The following AFF3 variants were observed in gnomAD, a reference collection of about 807,000 sequenced individuals.
AFF3 encodes the protein ALF transcription elongation factor 3.
Under a neutral mutation model 129.7 loss-of-function variants are expected in AFF3, and 32 were observed. The ratio of observed to expected loss-of-function variants is 0.25; its 90% CI spans 0.19 to 0.33. AFF3 has a LOEUF of 0.33. Among genes scored for constraint, AFF3 ranks in the 10% least tolerant of loss-of-function variants. The probability of loss-of-function intolerance (pLI) is 1.00; values close to 1 mark genes in which losing one functional copy is unlikely to be tolerated. For missense variants in AFF3, 1,373 were observed against 1,592.0 expected (o/e 0.86, Z 2.34); for synonymous variants, 644 against 635.4 (o/e 1.01, Z -0.20).
intron 11 of AFF3, among the ~76,000 whole-genome samples, chr2:99,722,681 C>T (rs765962379): frequency 6.6e-6 from 1 of 152,174 alleles, no homozygotes; most frequent in Non-Finnish European, 1.5e-5. Flanking sequence ...TATTGTTTTC[C>T]ACTACGCTCA....
At chr2:99,659,496 A>G (rs1686039993) in intron 12 of AFF3, among the ~76,000 whole-genome samples, 1 of 152,168 alleles carries the variant, frequency 6.6e-6, no homozygotes, top group South Asian at 2.1e-4. Context: ...GAAGTGATTT[A>G]TCTTCTGGAC....
At chr2:99,813,677 A>C (rs1269232173) in intron 8 of AFF3, among the ~76,000 whole-genome samples, 1 of 152,204 alleles carries the variant, frequency 6.6e-6, no homozygotes, top group Non-Finnish European at 1.5e-5. Context: ...AAACACACCT[A>C]CTTCTACCTG....
At chr2:99,847,332 C>T (rs1257730581) in intron 7 of AFF3, among the ~76,000 whole-genome samples, 3 of 151,896 alleles carry the variant, frequency 2.0e-5, no homozygotes, top group African/African-American at 7.2e-5. Context: ...CCTGCCACCA[C>T]GCCCAGATAA....
In AFF3 at chr2:99,582,985, A is replaced by G. The variant is rs775932608; in HGVS notation, c.2606T>C (p.Ile869Thr). ...CCGAAGCATTTTTTCATTTTTATTT[A>G]TTGGTATTGCCACACTGAAAAAGGA... ...NMNINSVAIP[I>T]NKNEKMLRSP... Residue 869 changes from isoleucine (I) to threonine (T), a missense_variant, in exon 17 of 25, where the codon ATA becomes ACA. This residue lies in a region of AFF3 where 466 missense variants were observed against 505.0 expected (regional missense o/e 0.92). Transcript: ENST00000672756. The G allele has an allele frequency of 1.9e-6, 3 of 1,613,848 alleles. No individual in the cohort carries two copies. The highest frequency in any genetic ancestry group is 1.3e-5 in the African/African-American group (1 of 74,890).
intron 8 of AFF3, among the ~76,000 whole-genome samples, chr2:99,828,856 G>A (rs138004532): frequency 5.3e-5 from 8 of 152,172 alleles, no homozygotes; most frequent in African/African-American, 1.4e-4. Context: ...CATCACACAC[G>A]TACACACATT....
At chr2:99,707,992 T>C (rs1677561887) in intron 11 of AFF3, among the ~76,000 whole-genome samples, 1 of 152,138 alleles carries the variant, frequency 6.6e-6, no homozygotes, top group South Asian at 2.1e-4. Context: ...TTTGGTAGGG[T>C]TGTTAGAATT....
chr2:99,783,018 C>T (rs1684521779), intron 8 of AFF3, among the ~76,000 whole-genome samples: 1 of 152,196 alleles, frequency 6.6e-6, no homozygotes, highest in African/African-American at 2.4e-5. Context: ...CAGTCAATGG[C>T]TGCTTGGTAC....
intron 4 of AFF3, among the ~76,000 whole-genome samples, chr2:100,036,134 TAAAAAAAAAAAAA>T (rs59136725): frequency 3.1e-5 from 2 of 64,340 alleles, no homozygotes; most frequent in African/African-American, 1.4e-4. Context: ...AATACAGTGC[TAAAAAAAAAAAAA>T]AAAAAAAAAA....
chr2:99,646,846 G>A (rs1684738977), intron 13 of AFF3, among the ~76,000 whole-genome samples: 1 of 152,210 alleles, frequency 6.6e-6, no homozygotes, highest in Admixed American at 6.5e-5. Flanking sequence ...AATTCAGCAA[G>A]TGTTTTAAAA....
chr2:99,983,907 A>G lies in AFF3; in HGVS notation c.873+22725T>C, dbSNP rs17023353. On this transcript the variant is annotated intron_variant, in intron 7 of 24. Transcript: ENST00000672756. ...TTAGTTTTAATTTCATTCATTTTGGAAAAAAAAAGCAACTTCAAAAAGGTT... is the reference window on the plus strand; with the variant it reads ...TTAGTTTTAATTTCATTCATTTTGGGAAAAAAAAGCAACTTCAAAAAGGTT... Among the ~76,000 whole-genome samples, 1,355 of 151,524 alleles carry G rather than the reference A, an allele frequency of 8.9e-3. 17 individuals are homozygous for G. The highest frequency in any genetic ancestry group is 0.03 in the African/African-American group (1,236 of 41,338).
At chr2:100,048,144 T>C (rs1685988011) in intron 4 of AFF3, among the ~76,000 whole-genome samples, 1 of 152,244 alleles carries the variant, frequency 6.6e-6, no homozygotes, top group African/African-American at 2.4e-5. Context: ...TAAGAAGGAA[T>C]GCATCCCTGT....
intron 7 of AFF3, among the ~76,000 whole-genome samples, chr2:99,930,859 CTA>C (rs1696624691): frequency 6.6e-6 from 1 of 152,216 alleles, no homozygotes; most frequent in South Asian, 2.1e-4. Context: ...TGTTCCATTT[CTA>C]TGAGGCTCTA....
At chr2:100,044,905 C>A (rs543646261) in intron 4 of AFF3, among the ~76,000 whole-genome samples, 1 of 152,178 alleles carries the variant, frequency 6.6e-6, no homozygotes, top group Non-Finnish European at 1.5e-5. Context: ...GCCTCGCTGT[C>A]CAGCAAGTCA....
intron 11 of AFF3, among the ~76,000 whole-genome samples, chr2:99,709,690 T>C (rs1048184370): frequency 6.6e-6 from 1 of 152,228 alleles, no homozygotes; most frequent in Admixed American, 6.5e-5. Flanking sequence ...GAAGTGAAGC[T>C]ATATGGTTAT....
intron 3 of AFF3, chr2:100,104,897 C>T: frequency 4.4e-6 from 1 of 228,086 alleles, no homozygotes; most frequent in Non-Finnish European, 7.1e-6. Flanking sequence ...CCGAGGCGCG[C>T]GCGCACCGTG....
intron 7 of AFF3, among the ~76,000 whole-genome samples, chr2:99,871,791 C>G (rs531442981): frequency 3.9e-5 from 6 of 152,202 alleles, no homozygotes; most frequent in African/African-American, 1.4e-4. Flanking sequence ...ATGTTCACTA[C>G]CTGGGTGATG....
intron 7 of AFF3, among the ~76,000 whole-genome samples, chr2:99,976,662 C>T (rs778280454): frequency 2.0e-5 from 3 of 152,174 alleles, no homozygotes; most frequent in Non-Finnish European, 4.4e-5. Context: ...TTCCAGCCCC[C>T]ACTAAAACGG....
chr2:100,054,248 G>C (rs1180267785), intron 4 of AFF3, among the ~76,000 whole-genome samples: 1 of 152,202 alleles, frequency 6.6e-6, no homozygotes, highest in African/African-American at 2.4e-5. Flanking sequence ...ACAGGATGAG[G>C]AAGTTGCATT....
intron 7 of AFF3, among the ~76,000 whole-genome samples, chr2:99,960,716 G>C (rs760265743): frequency 1.2e-4 from 19 of 152,096 alleles, no homozygotes; most frequent in Admixed American, 2.0e-4. Context: ...CTAGGACAGG[G>C]GTCCTCCAAA....
Sources: gnomAD v4.1 joint callset for allele counts (sites outside exome capture counted in the v4.1 genomes callset) on GRCh38, gnomAD v4.1.1 for gene constraint, gnomAD v4.1.1 regional missense constraint, MANE v1.5 for transcripts, NCBI Gene and HGNC (gene_info 2026-07-23, HGNC 2026-07-21) for gene names.